The following USP2 variants were observed in gnomAD, a reference collection of about 807,000 sequenced individuals.
USP2 encodes ubiquitin carboxyl-terminal hydrolase 2.
A neutral mutation model predicts 72.0 loss-of-function variants in USP2; 33 were observed. That is an observed-to-expected ratio of 0.46 (90% CI 0.35 to 0.61). The LOEUF (loss-of-function observed/expected upper bound fraction) is 0.61. Ranked by LOEUF, USP2 falls within the 20% of genes least tolerant of loss-of-function variation. USP2 has a pLI of 0.01. For missense variants in USP2, 691 were observed against 797.8 expected, an observed-to-expected ratio of 0.87 and a Z score of 1.61; for synonymous variants, 296 against 312.5, an observed-to-expected ratio of 0.95 and a Z score of 0.56.
chr11:119,371,406 T>G (rs1055996244), intron 2 of USP2, among the ~76,000 whole-genome samples: 2 of 152,096 alleles, frequency 1.3e-5, no homozygotes, highest in Admixed American at 1.3e-4. Flanking sequence ...CCAGCTCTGT[T>G]GTGACACATC....
At position 119,367,406 on chromosome 11, in the gene USP2, C is replaced by T. The variant is rs144132190; in HGVS notation, c.774+5301G>A. On this transcript the variant is annotated intron_variant, in intron 2 of 12. Coordinates refer to ENST00000260187, the MANE Select transcript of USP2 (RefSeq NM_004205.5). ...CTCAGATCTGCGTGGGCAGCTTAGG[C>T]CAGGGTTTGGTGACACTGCTGGGGC... 3.9e-5 allele frequency among the ~76,000 whole-genome samples: 6 copies of T among 152,304 alleles called. No homozygotes were observed. In the East Asian group the frequency reaches 1.2e-3, roughly 29 times the overall value.
chr11:119,369,757 G>A (rs1336505915), intron 2 of USP2, among the ~76,000 whole-genome samples: 1 of 152,110 alleles, frequency 6.6e-6, no homozygotes, highest in East Asian at 1.9e-4. Context: ...GGTGTCCAAG[G>A]TTAGAGAGGC....
At position 119,356,475 on chromosome 11, in the gene USP2, C is replaced by G. The variant is rs1950653396; in HGVS notation, c.*360G>C. The G allele has an allele frequency of 4.9e-6, 1 of 203,698 alleles. No individual in the cohort carries two copies. The allele number at this position is 203,698 out of a possible 1,614,324, so 12.6% of individuals were successfully genotyped here. On this transcript the variant is annotated 3_prime_UTR_variant, in exon 13 of 13. Transcript: ENST00000260187. The stretch of plus-strand genomic sequence containing the variant: ...TGCTCCCAGCGAGCTCCAGAGGGCG[C>G]TGTCCCCTCGGAGGCGCGGGCGCTG...
intron 2 of USP2, among the ~76,000 whole-genome samples, chr11:119,372,459 G>A (rs541697441): frequency 6.6e-6 from 1 of 152,382 alleles, no homozygotes; most frequent in East Asian, 1.9e-4. Context: ...GAGCATTCCT[G>A]AGAACACTAC....
chr11:119,379,022 C>G, intron 1 of USP2: 1 of 985,476 alleles, frequency 1.0e-6, no homozygotes, highest in Non-Finnish European at 1.2e-6. Flanking sequence ...TCCAGGGGCA[C>G]TGGATGGGAG....
chr11:119,358,270 A>G lies in USP2; in HGVS notation c.1238-18T>C, dbSNP rs762950172. Reference sequence around the variant, plus strand: ...AAAGAGATCTGGGGAAGAGAAGGCCATGAGATGCTGAAATACAGGAAGTAG... The same window carrying G: ...AAAGAGATCTGGGGAAGAGAAGGCCGTGAGATGCTGAAATACAGGAAGTAG... On this transcript the variant is annotated intron_variant, in intron 7 of 12. Transcript: ENST00000260187. The G allele has an allele frequency of 3.1e-6, 5 of 1,608,760 alleles. No individual in the cohort carries two copies. The African/African-American group carries it at 6.7e-5, about 22-fold the overall frequency.
In USP2 at chr11:119,358,822, G is replaced by A; in HGVS notation, c.1188C>T (p.Gly396=). Residue 396 remains glycine (G), a synonymous_variant, in exon 7 of 13, where the codon GGC becomes GGT. Coordinates refer to ENST00000260187, the MANE Select transcript of USP2 (RefSeq NM_004205.5). ...CTAGATATTTTCTCCACATCTGTCG[G>A]CCTTTCTCGTCATCACTGGGAACCA... ...NLDHLPDDEK[G]RQMWRKYLER... The A allele has an allele frequency of 1.2e-6, 2 of 1,614,010 alleles. No individual in the cohort carries two copies. Among genetic ancestry groups the A allele is most frequent in the Non-Finnish European group, 1.7e-6 (2 of 1,180,042 alleles).
intron 2 of USP2, among the ~76,000 whole-genome samples, chr11:119,369,271 A>G (rs1950895283): frequency 6.6e-6 from 1 of 152,024 alleles, no homozygotes; most frequent in Admixed American, 6.5e-5. Flanking sequence ...TTCTGAATTT[A>G]TGTGGCGCCC....
rs1483052112 is a variant in USP2, at chr11:119,360,266, G to A, written c.775-32C>T. The A allele has an allele frequency of 3.1e-6, 5 of 1,612,260 alleles. No individual in the cohort carries two copies. The African/African-American group carries it at 6.7e-5, about 22-fold the overall frequency. ...GCAAAGAACATATGGCAATAAGGTG[G>A]AAGCAAAGATGCTAGGCCTGTGCTG... is the stretch of plus-strand genomic sequence containing the variant. On this transcript the variant is annotated intron_variant, in intron 2 of 12. Transcript: ENST00000260187.
Position 119,375,532 on chromosome 11 carries a change from C to T in USP2, c.-41-2011G>A, listed in dbSNP as rs139262395. Among the ~76,000 whole-genome samples, 163 of 152,272 alleles carry T rather than the reference C, an allele frequency of 1.1e-3. 3 individuals carry two copies. Among genetic ancestry groups the T allele is most frequent in the African/African-American group, 3.7e-3 (154 of 41,552 alleles). On this transcript the variant is annotated intron_variant, in intron 1 of 12. Coordinates refer to ENST00000260187, the MANE Select transcript of USP2 (RefSeq NM_004205.5). ...GTAACTGGGGGATGATGTCACACAGCGTTAGAGGGAAACCATAGCGGGAGA... is the reference window on the plus strand; with the variant it reads ...GTAACTGGGGGATGATGTCACACAGTGTTAGAGGGAAACCATAGCGGGAGA...
intron 2 of USP2, among the ~76,000 whole-genome samples, chr11:119,362,935 C>A (rs1459782892): frequency 6.6e-6 from 1 of 152,236 alleles, no homozygotes; most frequent in Non-Finnish European, 1.5e-5. Context: ...CAGCTTTCAC[C>A]TTCTAGAGGA....
Position 119,372,901 on chromosome 11 carries a change from A to G in USP2, c.580T>C (p.Tyr194His). The change falls in exon 2 of 13, where the codon TAC becomes CAC. Residue 194 changes from tyrosine (Y) to histidine (H), a missense_variant. Coordinates refer to ENST00000260187, the MANE Select transcript of USP2 (RefSeq NM_004205.5). The part of the protein sequence containing the change: ...GLYQTASCPE[Y>H]LVDYLENYGR... ...TAGTTCTCCAGGTAGTCGACCAGGTATTCAGGGCAGCTGGCTGTCTGGTAG... is the reference window on the plus strand; with the variant it reads ...TAGTTCTCCAGGTAGTCGACCAGGTGTTCAGGGCAGCTGGCTGTCTGGTAG... 2 of 1,611,590 alleles carry G rather than the reference A, an allele frequency of 1.2e-6. No homozygotes were observed. The highest frequency in any genetic ancestry group is 1.7e-6 in the Non-Finnish European group (2 of 1,179,178).
chr11:119,357,758 G>A lies in USP2; in HGVS notation c.1500C>T (p.Leu500=), dbSNP rs781491629. ...SIQRFPKILV[L]HLKRFSESRI... is the part of the protein sequence containing the mutation. ...AGCCCTGATGGATCTTAAGGATACG[G>A]AGCACCAAGATCTTTGGGAACCTCT... The change falls in exon 10 of 13, where the codon CTC becomes CTT. Residue 500 remains leucine, a splice_region_variant and synonymous_variant. Coordinates refer to ENST00000260187, the MANE Select transcript of USP2 (RefSeq NM_004205.5). 11 of 1,613,676 alleles carry A rather than the reference G, an allele frequency of 6.8e-6. No homozygotes were observed. The highest frequency in any genetic ancestry group is 6.7e-5 in the Admixed American group (4 of 60,008).
rs1168146217 is a variant in USP2, at chr11:119,356,922, G to A, written c.1731C>T (p.Ser577=). The change falls in exon 13 of 13, where the codon AGC becomes AGT. Residue 577 remains serine (S), a splice_region_variant and synonymous_variant. Coordinates refer to ENST00000260187, the MANE Select transcript of USP2 (RefSeq NM_004205.5). The stretch of plus-strand genomic sequence containing the variant: ...CTTGGCTGGAGGACATGGGAGTGAC[G>A]CTGCGGAGAGAGCGGGGAGTCAGCC... The part of the protein sequence containing the change: ...TGEWHTFNDS[S]VTPMSSSQVR... 6.4e-7 allele frequency: 1 copy of A among 1,557,178 alleles called. No homozygotes were observed.
Position 119,373,422 on chromosome 11 carries a change from G to A in USP2, c.59C>T (p.Ala20Val). ...RYTESARYTD[A>V]HYAKSGYGAY... ...ACCATAGCCCGACTTGGCATAGTGG[G>A]CATCTGTGTAGCGGGCCGATTCTGT... is the stretch of plus-strand genomic sequence containing the variant. The change falls in exon 2 of 13, where the codon GCC becomes GTC. Residue 20 changes from alanine to valine, a missense_variant. Ala to Val is a moderately conservative substitution (Grantham distance 64, BLOSUM62 0). Coordinates refer to ENST00000260187, the MANE Select transcript of USP2 (RefSeq NM_004205.5). 6.2e-7 allele frequency: 1 copy of A among 1,604,334 alleles called. No individual in the cohort carries two copies. Among genetic ancestry groups the A allele is most frequent in the South Asian group, 1.1e-5 (1 of 91,034 alleles).
intron 2 of USP2, among the ~76,000 whole-genome samples, chr11:119,361,050 A>G (rs1364066357): frequency 1.3e-5 from 2 of 152,078 alleles, no homozygotes; most frequent in Admixed American, 6.5e-5. Flanking sequence ...GTTGGGAAAA[A>G]CTCAAGTAAG....
intron 1 of USP2, among the ~76,000 whole-genome samples, chr11:119,377,474 G>A (rs539021217): frequency 1.7e-4 from 26 of 152,288 alleles, no homozygotes; most frequent in Admixed American, 3.9e-4. Context: ...TCCACTGCAG[G>A]TGAATGAAAG....
intron 12 of USP2, 41 bp from the exon 13 acceptor site, chr11:119,356,963 C>G (rs753849121): frequency 9.7e-6 from 15 of 1,545,022 alleles, no homozygotes; most frequent in Middle Eastern, 2.3e-4. Flanking sequence ...CGGGCAGGAC[C>G]GGGAGACCCC....
At chr11:119,363,753 C>T (rs891879793) in intron 2 of USP2, 2 of 960,430 alleles carry the variant, frequency 2.1e-6, no homozygotes, top group Non-Finnish European at 1.4e-6. Flanking sequence ...GGGAAGAATC[C>T]GTCCCCTCAC....
Sources: allele counts gnomAD v4.1 joint callset (sites outside exome capture counted in the v4.1 genomes callset), GRCh38; gene constraint gnomAD v4.1.1; transcripts MANE v1.5; gene names NCBI Gene and HGNC (gene_info 2026-07-23, HGNC 2026-07-21).